CNTNAP5: variants seen among roughly 807,000 people sequenced by gnomAD.
The protein encoded by CNTNAP5 is contactin associated protein family member 5, also known as contactin-associated protein-like 5.
CNTNAP5 carries 72 observed loss-of-function variants against 150.2 expected under a neutral mutation model. The observed-to-expected ratio is 0.48, with a 90% CI of 0.40 to 0.58. The LOEUF is 0.58. Ranked by LOEUF, CNTNAP5 falls within the 20% of genes least tolerant of loss-of-function variation. The probability of loss-of-function intolerance (pLI) is 0.00; values close to 1 mark genes in which losing one functional copy is unlikely to be tolerated. For synonymous variants in CNTNAP5, 672 were observed against 619.8 expected, an observed-to-expected ratio of 1.08 and a Z score of -1.25; for missense variants, 1,636 against 1,626.2, an observed-to-expected ratio of 1.01 and a Z score of -0.10.
In CNTNAP5 at chr2:124,918,998, C is replaced by T. The variant is rs1379630455; in HGVS notation, c.*4710C>T. The stretch of plus-strand genomic sequence containing the variant: ...GTTCTTGAGTCTTTCTTGACCTCTT[C>T]TTTTATCCCCTCTTTCATAGTCTTG... On this transcript the variant is annotated 3_prime_UTR_variant, in exon 24 of 24. Coordinates refer to ENST00000682447, the MANE Select transcript of CNTNAP5 (RefSeq NM_001367498.1). Among the ~76,000 whole-genome samples, 2 of 152,202 alleles carry T rather than the reference C, an allele frequency of 1.3e-5. No individual in the cohort carries two copies. The highest frequency in any genetic ancestry group is 2.4e-5 in the African/African-American group (1 of 41,572).
intron 1 of CNTNAP5, among the ~76,000 whole-genome samples, chr2:124,188,588 G>A (rs1450007109): frequency 4.6e-5 from 7 of 151,594 alleles, no homozygotes; most frequent in South Asian, 2.1e-4. Context: ...GCGTGGTGGC[G>A]GGCGCCTGTA....
At position 124,119,084 on chromosome 2, in the gene CNTNAP5, C is replaced by T. The variant is rs557877997; in HGVS notation, c.82+93352C>T. Among the ~76,000 whole-genome samples, 13 of 152,294 alleles carry T rather than the reference C, an allele frequency of 8.5e-5. No individual in the cohort carries two copies. In the East Asian group the frequency reaches 2.3e-3, roughly 27 times the overall value. ...CTTAGTGTTCTCTTTGCCTGGAACA[C>T]TCTCACAAGCGAGTCTTTGTGAGGC... On this transcript the variant is annotated intron_variant, in intron 1 of 23. Coordinates refer to ENST00000682447, the MANE Select transcript of CNTNAP5 (RefSeq NM_001367498.1).
intron 3 of CNTNAP5, among the ~76,000 whole-genome samples, chr2:124,398,021 C>A (rs1447713938): frequency 6.6e-6 from 1 of 152,188 alleles, no homozygotes; most frequent in East Asian, 1.9e-4. Context: ...TCATAATAGA[C>A]AAGCAGAAAT....
chr2:124,713,311 T>C (rs1558746890), intron 13 of CNTNAP5, among the ~76,000 whole-genome samples: 1 of 100,048 alleles, frequency 1.0e-5, no homozygotes. Flanking sequence ...CTTCTTTCTC[T>C]TTCTTTCCTT....
At position 124,668,821 on chromosome 2, in the gene CNTNAP5, G is replaced by A. The variant is rs149232766; in HGVS notation, c.2077+20863G>A. Among the ~76,000 whole-genome samples the A allele has an allele frequency of 3.9e-5, 6 of 152,244 alleles. No individual in the cohort carries two copies. The East Asian group carries it at 7.7e-4, about 20-fold the overall frequency. On this transcript the variant is annotated intron_variant, in intron 13 of 23. Transcript: ENST00000682447. ...GTAAGTGGTCATTTGGGTAGAAATG[G>A]CAACAAACTGGAAGATGCTTCTGGA...
At chr2:124,478,423 C>A (rs1171778253) in intron 7 of CNTNAP5, among the ~76,000 whole-genome samples, 1 of 152,106 alleles carries the variant, frequency 6.6e-6, no homozygotes. Context: ...TTAGTTTTAA[C>A]CTTCACAATT....
At chr2:124,841,909 T>C (rs1197309703) in intron 19 of CNTNAP5, among the ~76,000 whole-genome samples, 2 of 152,102 alleles carry the variant, frequency 1.3e-5, no homozygotes, top group African/African-American at 4.8e-5. Context: ...CCAATATTTC[T>C]GTAAAATTGC....
At position 124,916,636 on chromosome 2, in the gene CNTNAP5, TA is replaced by T. The variant is rs1422885400; in HGVS notation, c.*2349del. 6.6e-6 allele frequency among the ~76,000 whole-genome samples: 1 copy of T among 152,036 alleles called. No homozygotes were observed. Among genetic ancestry groups the T allele is most frequent in the Non-Finnish European group, 1.5e-5 (1 of 67,968 alleles). ...GAGACTAGCAAAGGCTAACTCAGAG[TA>T]TTTGATTTTCTCATCTAAGTATATA... On this transcript the variant is annotated 3_prime_UTR_variant, in exon 24 of 24. Coordinates refer to ENST00000682447, the MANE Select transcript of CNTNAP5 (RefSeq NM_001367498.1).
At chr2:124,515,543 A>G (rs1408571293) in intron 8 of CNTNAP5, among the ~76,000 whole-genome samples, 4 of 42,106 alleles carry the variant, frequency 9.5e-5, no homozygotes, top group Non-Finnish European at 1.7e-4. Context: ...TCAATCAATC[A>G]TTCATCACGT....
At chr2:124,834,289 A>T (rs1682778508) in intron 19 of CNTNAP5, among the ~76,000 whole-genome samples, 1 of 152,160 alleles carries the variant, frequency 6.6e-6, no homozygotes, top group Non-Finnish European at 1.5e-5. Context: ...TTAATAATAA[A>T]AAACCCTCTT....
intron 2 of CNTNAP5, among the ~76,000 whole-genome samples, chr2:124,238,832 A>G (rs1686813900): frequency 6.6e-6 from 1 of 152,210 alleles, no homozygotes; most frequent in South Asian, 2.1e-4. Flanking sequence ...GGCTACTTTC[A>G]TCATTTGTGA....
At chr2:124,761,114 G>A (rs1468937626) in intron 14 of CNTNAP5, among the ~76,000 whole-genome samples, 1 of 152,052 alleles carries the variant, frequency 6.6e-6, no homozygotes, top group East Asian at 1.9e-4. Flanking sequence ...CCCTTGGCAT[G>A]AAGAAAGCAA....
intron 11 of CNTNAP5, among the ~76,000 whole-genome samples, chr2:124,585,148 C>A (rs1696500121): frequency 6.6e-6 from 1 of 152,156 alleles, no homozygotes; most frequent in Non-Finnish European, 1.5e-5. Flanking sequence ...ACTCACACTG[C>A]AGGATGGCTG....
intron 3 of CNTNAP5, 70 bp from the exon 4 acceptor site, chr2:124,417,373 A>G (rs1218493131): frequency 6.5e-7 from 1 of 1,534,000 alleles, no homozygotes; most frequent in Non-Finnish European, 8.9e-7. Context: ...TTCGTGGAGT[A>G]ACAAATATGG....
At position 124,747,089 on chromosome 2, in the gene CNTNAP5, G is replaced by A. The variant is rs1680618664; in HGVS notation, c.2078-140G>A. 9.1e-6 allele frequency: 6 copies of A among 660,842 alleles called. No homozygotes were observed. In the East Asian group the frequency reaches 1.9e-4, roughly 21 times the overall value. 40.9% of individuals were successfully genotyped at this position (660,842 alleles called of 1,614,324 possible). ...CAAGCAAAGGGAAGGGGGGATGTGA[G>A]GGAGGGAAGAAGACAGGAAGGGAAG... On this transcript the variant is annotated intron_variant, in intron 13 of 23. Transcript: ENST00000682447.
At chr2:124,220,234 G>C (rs1179249051) in intron 1 of CNTNAP5, among the ~76,000 whole-genome samples, 1 of 151,872 alleles carries the variant, frequency 6.6e-6, no homozygotes, top group Non-Finnish European at 1.5e-5. Context: ...TTTTAAATTT[G>C]TTTTGAGTGA....
At chr2:124,668,077 C>T (rs1048707796) in intron 13 of CNTNAP5, among the ~76,000 whole-genome samples, 2 of 152,120 alleles carry the variant, frequency 1.3e-5, no homozygotes, top group African/African-American at 4.8e-5. Flanking sequence ...AAAGGTTAAA[C>T]GTGAGTGACT....
intron 16 of CNTNAP5, among the ~76,000 whole-genome samples, chr2:124,765,397 T>C (rs903617199): frequency 2.6e-5 from 4 of 152,144 alleles, no homozygotes; most frequent in African/African-American, 4.8e-5. Flanking sequence ...CAACATTAGA[T>C]TTGAGTCAAA....
intron 1 of CNTNAP5, among the ~76,000 whole-genome samples, chr2:124,165,675 A>T (rs1684796289): frequency 6.6e-6 from 1 of 152,142 alleles, no homozygotes; most frequent in African/African-American, 2.4e-5. Flanking sequence ...GCTCAGGCTG[A>T]AGAATGCCTG....
Sources: allele counts gnomAD v4.1 joint callset (sites outside exome capture counted in the v4.1 genomes callset), GRCh38; gene constraint gnomAD v4.1.1; transcripts MANE v1.5; gene names NCBI Gene and HGNC (gene_info 2026-07-23, HGNC 2026-07-21).